ARHGEF3: variants seen among roughly 807,000 people sequenced by gnomAD.
ARHGEF3 encodes the protein 59.8 kDA protein.
In ARHGEF3, 28 loss-of-function variants were observed where a neutral mutation model predicts 63.2. The observed-to-expected ratio is 0.44, with a 90% confidence interval of 0.33 to 0.61. ARHGEF3 has a LOEUF of 0.61. ARHGEF3 is among the 20% of genes least tolerant of loss of function. The probability of loss-of-function intolerance (pLI) is 0.03; values close to 1 mark genes in which losing one functional copy is unlikely to be tolerated. For synonymous variants in ARHGEF3, 266 were observed against 254.2 expected, an observed-to-expected ratio of 1.05 and a Z score of -0.44; for missense variants, 533 against 659.3, an observed-to-expected ratio of 0.81 and a Z score of 2.10.
rs191322060 is a variant in ARHGEF3 at position 57,017,663 on chromosome 3, T to C, written c.62+17425A>G. ...GACAGAGATGCCCCCTTGGCACACG[T>C]TGGATTGAACTCTGTTCCTCCTTTC... On this transcript the variant is annotated intron_variant, in intron 2 of 12. Transcript: ENST00000338458. Among the ~76,000 whole-genome samples, 18 of 152,314 alleles carry C rather than the reference T, an allele frequency of 1.2e-4. No individual in the cohort carries two copies. In the East Asian group the frequency reaches 3.3e-3, roughly 28 times the overall value.
intron 1 of ARHGEF3, among the ~76,000 whole-genome samples, chr3:57,055,946 A>G (rs945473521): frequency 6.6e-6 from 1 of 152,198 alleles, no homozygotes; most frequent in Non-Finnish European, 1.5e-5. Context: ...AGGAATGTGA[A>G]TAGGGAAAAG....
At chr3:56,823,560 T>A (rs80162651) in intron 4 of ARHGEF3, among the ~76,000 whole-genome samples, 14 of 152,144 alleles carry the variant, frequency 9.2e-5, no homozygotes, top group Non-Finnish European at 1.9e-4. Context: ...ATTGTGGACT[T>A]GGAAGTGCTT....
In ARHGEF3 at chr3:56,925,804, C is replaced by T. The variant is rs2042260279; in HGVS notation, c.129+33019G>A. 2.0e-5 allele frequency among the ~76,000 whole-genome samples: 3 copies of T among 152,162 alleles called. No homozygotes were observed. The South Asian group carries it at 6.2e-4, about 32-fold the overall frequency. On this transcript the variant is annotated intron_variant, in intron 3 of 12. Coordinates refer to the ARHGEF3 transcript ENST00000338458. The stretch of plus-strand genomic sequence containing the variant: ...AGGCAGTGACTGAATACACACTGGC[C>T]ACAGTGCAGGCACCAAAGCCACAGG...
At chr3:56,882,240 G>A (rs370665806) in intron 4 of ARHGEF3, 93 of 1,495,238 alleles carry the variant, frequency 6.2e-5, no homozygotes, top group Non-Finnish European at 6.6e-5. Flanking sequence ...AATAACCTTC[G>A]GAGAAGAGAG....
chr3:56,887,585 T>C (rs532952631), intron 3 of ARHGEF3, among the ~76,000 whole-genome samples: 2 of 152,256 alleles, frequency 1.3e-5, no homozygotes, highest in Admixed American at 6.5e-5. Flanking sequence ...TTCCTCTGCA[T>C]AAAAAACCAC....
chr3:56,882,235 C>A (rs944257613), intron 4 of ARHGEF3: 18 of 1,487,306 alleles, frequency 1.2e-5, no homozygotes, highest in Admixed American at 4.0e-5. Context: ...TAACAAATAA[C>A]CTTCGGAGAA....
At chr3:56,856,430 T>C (rs1419751966) in intron 4 of ARHGEF3, among the ~76,000 whole-genome samples, 2 of 152,202 alleles carry the variant, frequency 1.3e-5, no homozygotes, top group Non-Finnish European at 2.9e-5. Context: ...TTTACTTGTC[T>C]ATTTATTGCT....
intron 3 of ARHGEF3, among the ~76,000 whole-genome samples, chr3:56,902,425 T>C (rs1261099661): frequency 2.0e-5 from 3 of 152,090 alleles, no homozygotes; most frequent in African/African-American, 7.2e-5. Context: ...CAAAAGAGCT[T>C]TGCAGCTCAC....
rs190780668 is a variant in ARHGEF3, at chr3:56,733,963, G to A, written c.1042-1539C>T. ...CGGGCCATTGCACTCCAGTCTGGGC[G>A]ACAAAAGCAAAATTCTGTCTCAAAA... is the stretch of plus-strand genomic sequence containing the variant. On this transcript the variant is annotated intron_variant, in intron 8 of 9. Transcript: ENST00000296315. Among the ~76,000 whole-genome samples the A allele has an allele frequency of 4.1e-3, 415 of 100,264 alleles. 3 individuals carry two copies. The highest frequency in any genetic ancestry group is 0.016 in the African/African-American group (398 of 24,652). The allele number at this position is 100,264 out of a possible 152,430, so 65.8% of individuals were successfully genotyped here.
At chr3:56,949,782 T>G (rs894480424) in intron 3 of ARHGEF3, among the ~76,000 whole-genome samples, 3 of 151,994 alleles carry the variant, frequency 2.0e-5, no homozygotes, top group African/African-American at 7.3e-5. Context: ...AAAAACTACT[T>G]TAAAGTTCAT....
intron 2 of ARHGEF3, among the ~76,000 whole-genome samples, chr3:56,970,163 T>C (rs1200259094): frequency 6.6e-6 from 1 of 152,206 alleles, no homozygotes; most frequent in African/African-American, 2.4e-5. Context: ...CATTGAATTA[T>C]TATACATTTT....
intron 1 of ARHGEF3, among the ~76,000 whole-genome samples, chr3:56,778,582 C>A: frequency 6.6e-6 from 1 of 152,250 alleles, no homozygotes; most frequent in East Asian, 1.9e-4. Flanking sequence ...ACTCAGGCTG[C>A]TGTGCAGTGG....
At chr3:57,050,363 T>C (rs72874158) in intron 1 of ARHGEF3, among the ~76,000 whole-genome samples, 333 of 152,342 alleles carry the variant, frequency 2.2e-3, no homozygotes, top group African/African-American at 7.6e-3. Flanking sequence ...CTCTCAGGAC[T>C]ATCAAAACTA....
intron 4 of ARHGEF3, among the ~76,000 whole-genome samples, chr3:56,808,606 T>A (rs968400665): frequency 7.3e-5 from 11 of 151,658 alleles, no homozygotes; most frequent in African/African-American, 1.5e-4. Flanking sequence ...ATTAATTAAT[T>A]AAAATAAAAA....
intron 7 of ARHGEF3, among the ~76,000 whole-genome samples, chr3:56,741,401 C>T (rs1219244471): frequency 6.6e-6 from 1 of 150,422 alleles, no homozygotes; most frequent in Admixed American, 6.6e-5. Flanking sequence ...TCAGGCTGGT[C>T]TCGAACTCCT....
chr3:56,736,607 T>C (rs563614709), intron 8 of ARHGEF3, among the ~76,000 whole-genome samples: 53 of 152,312 alleles, frequency 3.5e-4, no homozygotes, highest in Admixed American at 1.0e-3. Context: ...AAGTGACAGA[T>C]GTTAACTGTT....
intron 1 of ARHGEF3, among the ~76,000 whole-genome samples, chr3:56,774,742 T>C (rs11130547): frequency 0.34 from 50,922 of 151,788 alleles, 9,622 homozygotes; most frequent in Middle Eastern, 0.56. Flanking sequence ...TCTACTAAAA[T>C]ACAAAAATTA....
intron 2 of ARHGEF3, chr3:57,007,254 A>G (rs1196305034): frequency 2.3e-6 from 3 of 1,289,762 alleles, no homozygotes; most frequent in Non-Finnish European, 3.0e-6. Flanking sequence ...CTTCAGCCAC[A>G]TAAATCAGAC....
intron 1 of ARHGEF3, among the ~76,000 whole-genome samples, chr3:57,066,616 G>A (rs532246314): frequency 1.4e-4 from 21 of 152,302 alleles, no homozygotes; most frequent in Middle Eastern, 3.4e-3. Context: ...TACCCACTGT[G>A]ATGATTAATT....
Sources: gnomAD v4.1 joint callset for allele counts (sites outside exome capture counted in the v4.1 genomes callset) on GRCh38, gnomAD v4.1.1 for gene constraint, MANE v1.5 for transcripts, NCBI Gene and HGNC (gene_info 2026-07-23, HGNC 2026-07-21) for gene names.